Variants in PRKN observed in about 807,000 individuals in gnomAD.
The protein encoded by PRKN is parkin RBR E3 ubiquitin protein ligase, also known as E3 ubiquitin-protein ligase parkin.
In PRKN, 56 loss-of-function variants were observed where a neutral mutation model predicts 59.5. The ratio of observed to expected loss-of-function variants is 0.94; its 90% confidence interval spans 0.76 to 1.18. The LOEUF is 1.18. Among genes scored for constraint, PRKN ranks in the 50% most tolerant of loss-of-function variants. The pLI, the probability that PRKN is intolerant of heterozygous loss-of-function variation, is 0.00. For missense variants in PRKN, 657 were observed against 596.4 expected, an observed-to-expected ratio of 1.10 and a Z score of -1.06; for synonymous variants, 250 against 222.1, an observed-to-expected ratio of 1.13 and a Z score of -1.12.
chr6:161,852,489 A>G (rs1793480382), intron 6 of PRKN, among the ~76,000 whole-genome samples: 1 of 152,148 alleles, frequency 6.6e-6, no homozygotes, highest in Non-Finnish European at 1.5e-5. Flanking sequence ...CATCACACAC[A>G]CACAATCACA....
intron 7 of PRKN, among the ~76,000 whole-genome samples, chr6:161,688,293 G>A (rs923610914): frequency 5.9e-5 from 9 of 152,122 alleles, no homozygotes; most frequent in Non-Finnish European, 1.2e-4. Context: ...TGGCTGTTCC[G>A]GAAGAAGTGG....
intron 4 of PRKN, 44 bp from the exon 5 acceptor site, chr6:162,054,218 G>T: frequency 9.1e-7 from 1 of 1,100,558 alleles, no homozygotes; most frequent in Non-Finnish European, 1.4e-6. Flanking sequence ...AGTTATAATA[G>T]AAATGTACTC....
chr6:161,666,127 A>G (rs903373299), intron 7 of PRKN, among the ~76,000 whole-genome samples: 3 of 152,066 alleles, frequency 2.0e-5, no homozygotes, highest in Non-Finnish European at 4.4e-5. Flanking sequence ...ATAAATTACA[A>G]TATCTATTTT....
intron 2 of PRKN, among the ~76,000 whole-genome samples, chr6:162,409,520 T>A (rs75923621): frequency 0.082 from 12,418 of 152,162 alleles, 601 homozygotes; most frequent in Middle Eastern, 0.12. Context: ...ATTATCAATA[T>A]GGGTTGAACC....
At chr6:161,683,212 C>T (rs756136388) in intron 7 of PRKN, among the ~76,000 whole-genome samples, 42 of 152,228 alleles carry the variant, frequency 2.8e-4, no homozygotes, top group Admixed American at 7.8e-4. Flanking sequence ...GTTGACTCAG[C>T]AATAAAGCTT....
At position 161,451,912 on chromosome 6, in the gene PRKN, CT is replaced by C. The variant is rs964455310; in HGVS notation, c.1084-65036del. On this transcript the variant is annotated intron_variant, in intron 9 of 11. Transcript: ENST00000366898. The surrounding 1 kb of genome is among the most constrained non-coding windows in gnomAD (Gnocchi z 5.9). ...ACTACATTTATAAATTTAAGACATT[CT>C]TTTTTTTCTTTTTTCTTTTCTTTTC... Among the ~76,000 whole-genome samples, 2 of 151,850 alleles carry C rather than the reference CT, an allele frequency of 1.3e-5. No homozygotes were observed. The highest frequency in any genetic ancestry group is 6.6e-5 in the Admixed American group (1 of 15,244).
At chr6:162,393,300 C>G (rs1182783474) in intron 2 of PRKN, among the ~76,000 whole-genome samples, 2 of 151,466 alleles carry the variant, frequency 1.3e-5, no homozygotes, top group Non-Finnish European at 2.9e-5. Context: ...GCTGGGATTA[C>G]AAGTGCCTGC....
intron 2 of PRKN, among the ~76,000 whole-genome samples, chr6:162,343,240 G>T (rs1055235130): frequency 1.3e-5 from 2 of 152,188 alleles, no homozygotes; most frequent in Non-Finnish European, 2.9e-5. Flanking sequence ...GTATAAGACT[G>T]TTAACCTTGG....
chr6:162,026,114 T>A (rs1284036464), intron 5 of PRKN, among the ~76,000 whole-genome samples: 1 of 152,142 alleles, frequency 6.6e-6, no homozygotes, highest in Non-Finnish European at 1.5e-5. Context: ...AAATCTGAGC[T>A]TCTTCATTTC....
intron 1 of PRKN, among the ~76,000 whole-genome samples, chr6:162,597,735 T>C (rs754147205): frequency 2.0e-5 from 3 of 152,222 alleles, no homozygotes; most frequent in African/African-American, 4.8e-5. Flanking sequence ...TATTCAGTAA[T>C]ATGTGGCAAT....
At position 162,510,612 on chromosome 6, in the gene PRKN, A is replaced by G. The variant is rs538111708; in HGVS notation, c.8-67139T>C. 1.5e-4 allele frequency among the ~76,000 whole-genome samples: 23 copies of G among 152,208 alleles called. 1 individual carries two copies. The South Asian group carries it at 4.8e-3, about 32-fold the overall frequency. On this transcript the variant is annotated intron_variant, in intron 1 of 11. Transcript: ENST00000366898. The stretch of plus-strand genomic sequence containing the variant: ...CCTTTTCAATGCAAAGTACTTTCTC[A>G]TATCACCTTAAAACTTATTTATACT...
chr6:161,411,005 TG>T (rs1787513799), intron 9 of PRKN, among the ~76,000 whole-genome samples: 1 of 152,180 alleles, frequency 6.6e-6, no homozygotes. Flanking sequence ...CCTGCTTCCC[TG>T]TAGTAGATTT....
At chr6:161,675,050 G>A (rs1010884864) in intron 7 of PRKN, among the ~76,000 whole-genome samples, 3 of 152,172 alleles carry the variant, frequency 2.0e-5, no homozygotes, top group African/African-American at 7.2e-5. Context: ...TTACACAAGG[G>A]CTTGCTCTGG....
intron 1 of PRKN, among the ~76,000 whole-genome samples, chr6:162,457,035 C>T (rs774300680): frequency 7.2e-5 from 11 of 152,124 alleles, no homozygotes; most frequent in Non-Finnish European, 1.6e-4. Context: ...AAAGTTGAAA[C>T]AAGAAAGCAG....
At position 161,473,526 on chromosome 6, in the gene PRKN, A is replaced by G. The variant is rs942710784; in HGVS notation, c.1083+75328T>C. 2.0e-5 allele frequency among the ~76,000 whole-genome samples: 3 copies of G among 152,034 alleles called. No individual in the cohort carries two copies. The highest frequency in any genetic ancestry group is 2.9e-5 in the Non-Finnish European group (2 of 68,006). ...CTTACATGTGGAATCTTAAAAAAAAAATGTCAAATATATAGAGACAGAATA... is the reference window on the plus strand; with the variant it reads ...CTTACATGTGGAATCTTAAAAAAAAGATGTCAAATATATAGAGACAGAATA... On this transcript the variant is annotated intron_variant, in intron 9 of 11. Transcript: ENST00000366898. This position sits in a 1 kb window ranked among gnomAD's most constrained non-coding sequence, Gnocchi z 4.1.
intron 6 of PRKN, among the ~76,000 whole-genome samples, chr6:161,808,628 TAA>T (rs1791434396): frequency 6.6e-6 from 1 of 152,126 alleles, no homozygotes; most frequent in African/African-American, 2.4e-5. Flanking sequence ...AATGAAAACT[TAA>T]AAAGAGATTA....
At chr6:162,611,911 C>G (rs1009656940) in intron 1 of PRKN, among the ~76,000 whole-genome samples, 1 of 151,954 alleles carries the variant, frequency 6.6e-6, no homozygotes. Flanking sequence ...TACAGCGGGG[C>G]GTGGTGGCTC....
intron 9 of PRKN, among the ~76,000 whole-genome samples, chr6:161,511,762 G>A (rs1299587037): frequency 1.3e-5 from 2 of 151,880 alleles, no homozygotes; most frequent in Non-Finnish European, 2.9e-5. Flanking sequence ...GAAAAAGAAC[G>A]ATCCAGACTG....
chr6:162,062,853 C>T (rs9456737), intron 4 of PRKN, among the ~76,000 whole-genome samples: 108,812 of 152,078 alleles, frequency 0.72, 39,230 homozygotes, highest in East Asian at 0.87. Context: ...CAGAACTCCT[C>T]AAATTGTACC....
Sources: allele counts gnomAD v4.1 joint callset (sites outside exome capture counted in the v4.1 genomes callset), GRCh38; gene constraint gnomAD v4.1.1; non-coding constraint Gnocchi (gnomAD v3.1); transcripts MANE v1.5; gene names NCBI Gene and HGNC (gene_info 2026-07-23, HGNC 2026-07-21).